Variants in POLDIP2 observed in about 807,000 individuals in gnomAD.
POLDIP2 encodes the protein polymerase delta-interacting protein 2.
Under a neutral mutation model 52.9 loss-of-function variants are expected in POLDIP2, and 32 were observed. That is an observed-to-expected ratio of 0.61 (90% CI 0.46 to 0.81). The LOEUF is 0.81. Ranked by LOEUF, POLDIP2 falls within the 40% of genes least tolerant of loss-of-function variation. POLDIP2 has a pLI of 0.00. For missense variants in POLDIP2, 371 were observed against 477.3 expected, an observed-to-expected ratio of 0.78 and a Z score of 2.07; for synonymous variants, 183 against 183.0, an observed-to-expected ratio of 1.00 and a Z score of 0.00.
chr17:28,353,034 C>G lies in POLDIP2; in HGVS notation c.515-15G>C. 1 of 896,598 alleles carries G rather than the reference C, an allele frequency of 1.1e-6. No individual in the cohort carries two copies. Among genetic ancestry groups the G allele is most frequent in the Non-Finnish European group, 1.9e-6 (1 of 525,410 alleles). The allele number at this position is 896,598 out of a possible 1,614,324, so 55.5% of individuals were successfully genotyped here. A position where few individuals can be genotyped will look rare whatever the true frequency, so the allele number is the denominator to read the frequency against. ...ATAGTCCAAGCCTGGCACAGAGATG[C>G]AAAAGACAGTGGTGAAACTCACAGG... is the stretch of plus-strand genomic sequence containing the variant. On this transcript the variant is annotated splice_polypyrimidine_tract_variant and intron_variant, in intron 5 of 10. Transcript: ENST00000540200.
rs1001654668 is a variant in POLDIP2, at chr17:28,348,580, C to T, written c.993-349G>A. On this transcript the variant is annotated intron_variant, in intron 10 of 10. Transcript: ENST00000540200. ...ATACAAAATTAGCCGGGCGTGGTGG[C>T]GCATGCCTGTAATCCCAGCTACTCG... 5.3e-5 allele frequency among the ~76,000 whole-genome samples: 8 copies of T among 152,268 alleles called. No homozygotes were observed. The South Asian group carries it at 1.2e-3, about 24-fold the overall frequency.
chr17:28,351,805 G>T lies in POLDIP2; in HGVS notation c.623-5C>A. 1 of 1,613,120 alleles carries T rather than the reference G, an allele frequency of 6.2e-7. No homozygotes were observed. The highest frequency in any genetic ancestry group is 8.5e-7 in the Non-Finnish European group (1 of 1,179,232). ...CCCGAGCCACAAAAGGAGGTGCTGG[G>T]GCAAGATACAATTGGTTAGTCCAAT... is the stretch of plus-strand genomic sequence containing the variant. On this transcript the variant is annotated splice_polypyrimidine_tract_variant and splice_region_variant and intron_variant, in intron 6 of 10. Transcript: ENST00000540200.
chr17:28,351,591 C>T lies in POLDIP2; in HGVS notation c.759+73G>A, dbSNP rs531589823. 2.4e-4 allele frequency: 337 copies of T among 1,396,996 alleles called. 3 individuals are homozygous for T. In the South Asian group the frequency reaches 3.6e-3, roughly 15 times the overall value. The allele number at this position is 1,396,996 out of a possible 1,614,324, so 86.5% of individuals were successfully genotyped here. On this transcript the variant is annotated intron_variant, in intron 7 of 10. Transcript: ENST00000540200. Reference sequence around the variant, plus strand: ...GGTTTATATTTAGACTCCCTTCCCCCGGCAGTCACCTTAAGGACACCATAC... The same window carrying T: ...GGTTTATATTTAGACTCCCTTCCCCTGGCAGTCACCTTAAGGACACCATAC...
chr17:28,351,521 C>T, intron 7 of POLDIP2, 143 bp downstream of exon 7: 2 of 772,738 alleles, frequency 2.6e-6, no homozygotes. Context: ...CTACTCAACC[C>T]CACCCAACAC....
At chr17:28,349,488 TA>T (rs1328855511) in intron 9 of POLDIP2, among the ~76,000 whole-genome samples, 1 of 142,826 alleles carries the variant, frequency 7.0e-6, no homozygotes, top group Non-Finnish European at 1.5e-5. Context: ...AAAAAAAATT[TA>T]AACTAACCAG....
intron 7 of POLDIP2, 62 bp from the exon 8 acceptor site, chr17:28,350,854 C>T: frequency 7.4e-7 from 1 of 1,352,088 alleles, no homozygotes; most frequent in Admixed American, 2.0e-5. Flanking sequence ...TTCCAATCAA[C>T]ATCTCTCCAG....
chr17:28,352,980 G>A lies in POLDIP2; in HGVS notation c.554C>T (p.Thr185Ile). The change falls in exon 6 of 11, where the codon ACC becomes ATC. Residue 185 changes from threonine (T) to isoleucine (I), a missense_variant. Physicochemically the swap from Thr to Ile is moderately conservative, Grantham distance 89. Coordinates refer to ENST00000540200, the MANE Select transcript of POLDIP2 (RefSeq NM_015584.5). ...YVSHEDILPY[T>I]STDQVPIQHE... ...TTGGATGGGAACCTGATCAGTGGAG[G>A]TGTAGGGGAGGATGTCTTCATGGCT... 2.9e-6 allele frequency: 4 copies of A among 1,400,578 alleles called. No homozygotes were observed. Among genetic ancestry groups the A allele is most frequent in the Non-Finnish European group, 4.1e-6 (4 of 985,126 alleles). 86.8% of individuals were successfully genotyped at this position (1,400,578 alleles called of 1,614,324 possible).
intron 2 of POLDIP2, 86 bp downstream of exon 2, chr17:28,355,709 T>C (rs1170800161): frequency 8.4e-6 from 7 of 830,982 alleles, no homozygotes; most frequent in South Asian, 1.6e-5. Context: ...TGGAACACCA[T>C]ACCATGCAGG....
chr17:28,350,807 A>T lies in POLDIP2; in HGVS notation c.760-15T>A, dbSNP rs375686738. On this transcript the variant is annotated splice_polypyrimidine_tract_variant and intron_variant, in intron 7 of 10. Transcript: ENST00000540200. ...TTCTGGGCTTCCTAGGGAGAAAACA[A>T]AAAGAATTTAAGTCCCACAGGGCAA... The T allele has an allele frequency of 5.1e-6, 8 of 1,576,122 alleles. No homozygotes were observed. The highest frequency in any genetic ancestry group is 6.9e-6 in the Non-Finnish European group (8 of 1,159,984).
chr17:28,352,584 C>T (rs1274948310), intron 6 of POLDIP2, among the ~76,000 whole-genome samples: 1 of 143,324 alleles, frequency 7.0e-6, no homozygotes, highest in Non-Finnish European at 1.5e-5. Flanking sequence ...GTTGCCCAGG[C>T]TGGAATGCAA....
chr17:28,355,740 T>C (rs935892752), intron 2 of POLDIP2, 55 bp downstream of exon 2: 41 of 1,396,224 alleles, frequency 2.9e-5, no homozygotes, highest in Non-Finnish European at 3.8e-5. Flanking sequence ...AATCTGACTT[T>C]TTTCAGAAGC....
In POLDIP2 at chr17:28,353,682, C is replaced by T; in HGVS notation, c.438+13G>A. Reference sequence around the variant, plus strand: ...GGAGAGGACCCCCAAGCCCAGCCATCTTGCTTACTTACTATATGTGGGCAG... The same window carrying T: ...GGAGAGGACCCCCAAGCCCAGCCATTTTGCTTACTTACTATATGTGGGCAG... On this transcript the variant is annotated intron_variant, in intron 4 of 10. Coordinates refer to ENST00000540200, the MANE Select transcript of POLDIP2 (RefSeq NM_015584.5). 1 of 1,588,342 alleles carries T rather than the reference C, an allele frequency of 6.3e-7. No individual in the cohort carries two copies. The highest frequency in any genetic ancestry group is 8.6e-7 in the Non-Finnish European group (1 of 1,156,908).
Position 28,352,900 on chromosome 17 carries a change from G to T in POLDIP2, c.622+12C>A. Reference sequence around the variant, plus strand: ...CCCTCCCATTCCACCTCCCCTTCTTGAGAGAGATTACCTTTTGTCTGGTCA... The same window carrying T: ...CCCTCCCATTCCACCTCCCCTTCTTTAGAGAGATTACCTTTTGTCTGGTCA... On this transcript the variant is annotated intron_variant, in intron 6 of 10. Coordinates refer to ENST00000540200, the MANE Select transcript of POLDIP2 (RefSeq NM_015584.5). 6.5e-7 allele frequency: 1 copy of T among 1,532,474 alleles called. No homozygotes were observed. Among genetic ancestry groups the T allele is most frequent in the Non-Finnish European group, 9.0e-7 (1 of 1,107,622 alleles). 94.9% of individuals were successfully genotyped at this position (1,532,474 alleles called of 1,614,324 possible).
intron 7 of POLDIP2, among the ~76,000 whole-genome samples, chr17:28,351,459 C>CT (rs1367650575): frequency 6.6e-6 from 1 of 152,238 alleles, no homozygotes; most frequent in Non-Finnish European, 1.5e-5. Context: ...TTCCTGGGAC[C>CT]TATGAGTTTT....
intron 2 of POLDIP2, 110 bp from the exon 3 acceptor site, chr17:28,354,695 T>TA: frequency 1.4e-6 from 1 of 707,710 alleles, no homozygotes; most frequent in Non-Finnish European, 2.6e-6. Flanking sequence ...AAGGTCTTGC[T>TA]ACCTCTTCCC....
At chr17:28,351,384 T>C (rs1267369455) in intron 7 of POLDIP2, among the ~76,000 whole-genome samples, 3 of 152,224 alleles carry the variant, frequency 2.0e-5, no homozygotes, top group Non-Finnish European at 2.9e-5. Flanking sequence ...TAAATAATTA[T>C]GTGTATATTC....
intron 6 of POLDIP2, 77 bp from the exon 7 acceptor site, chr17:28,351,877 C>T: frequency 7.5e-7 from 1 of 1,337,512 alleles, no homozygotes; most frequent in Non-Finnish European, 1.1e-6. Flanking sequence ...CACAATAGTC[C>T]AGTGCGATTG....
rs1311607239 is a variant in POLDIP2 at position 28,347,824 on chromosome 17, C to A, written c.*293G>T. ...GCACTGGTTTACTGATCAAACCTCA[C>A]GTGACAGGCCAGGAAACTCCTCCAG... On this transcript the variant is annotated 3_prime_UTR_variant, in exon 11 of 11. Transcript: ENST00000540200. 2 of 347,910 alleles carry A rather than the reference C, an allele frequency of 5.7e-6. No homozygotes were observed. Among genetic ancestry groups the A allele is most frequent in the Non-Finnish European group, 1.1e-5 (2 of 188,938 alleles). The allele number at this position is 347,910 out of a possible 1,614,324, so 21.6% of individuals were successfully genotyped here.
intron 9 of POLDIP2, 84 bp downstream of exon 9, chr17:28,350,354 A>G (rs1485552054): frequency 4.8e-6 from 6 of 1,238,314 alleles, no homozygotes; most frequent in East Asian, 5.1e-5. Context: ...GCCTCTGTCT[A>G]TAACAACAAA....
Sources: gnomAD v4.1 joint callset for allele counts (sites outside exome capture counted in the v4.1 genomes callset) on GRCh38, gnomAD v4.1.1 for gene constraint, MANE v1.5 for transcripts, NCBI Gene and HGNC (gene_info 2026-07-23, HGNC 2026-07-21) for gene names.